Variants in TULP4 observed in about 807,000 individuals in gnomAD.
The protein encoded by TULP4 is TUB like protein 4.
TULP4 carries 16 observed loss-of-function variants against 129.0 expected under a neutral mutation model. The ratio of observed to expected loss-of-function variants is 0.12; its 90% confidence interval spans 0.08 to 0.19. TULP4 has a LOEUF of 0.19. Among genes scored for constraint, TULP4 ranks in the 10% least tolerant of loss-of-function variants. TULP4 has a pLI of 1.00. For synonymous variants in TULP4, 998 were observed against 854.0 expected (o/e 1.17, Z -2.94); for missense variants, 1,842 against 2,059.1 (o/e 0.89, Z 2.04).
intron 1 of TULP4, among the ~76,000 whole-genome samples, chr6:158,295,932 C>G (rs1779021893): frequency 6.6e-6 from 1 of 152,202 alleles, no homozygotes; most frequent in Non-Finnish European, 1.5e-5. Context: ...AGCAACACAC[C>G]TTTGTGTGCC....
At chr6:158,383,469 G>A (rs1170534464) in intron 1 of TULP4, among the ~76,000 whole-genome samples, 2 of 152,194 alleles carry the variant, frequency 1.3e-5, no homozygotes, top group Non-Finnish European at 2.9e-5. Flanking sequence ...ATCAAGGTAT[G>A]GATTTACATC....
At chr6:158,265,415 C>T (rs1009551927) in intron 1 of TULP4, among the ~76,000 whole-genome samples, 4 of 152,064 alleles carry the variant, frequency 2.6e-5, no homozygotes, top group Non-Finnish European at 4.4e-5. Context: ...GGTGGGGTGG[C>T]GCACCCCTGT....
chr6:158,427,421 T>A (rs1469609655), intron 2 of TULP4, among the ~76,000 whole-genome samples: 1 of 150,420 alleles, frequency 6.6e-6, no homozygotes, highest in Non-Finnish European at 1.5e-5. Flanking sequence ...TTGCCAGCAG[T>A]TTTGAAAACT....
At chr6:158,340,270 G>C (rs2114749542) in intron 1 of TULP4, among the ~76,000 whole-genome samples, 1 of 152,286 alleles carries the variant, frequency 6.6e-6, no homozygotes, top group South Asian at 2.1e-4. Flanking sequence ...ACCTGAAATA[G>C]TAGTATAGAC....
chr6:158,468,909 G>A (rs77196660), intron 6 of TULP4, among the ~76,000 whole-genome samples: 2,876 of 152,250 alleles, frequency 0.019, 42 homozygotes, highest in Non-Finnish European at 0.03. Flanking sequence ...CATCGTGAGG[G>A]TGGAGGCCTT....
rs1778147668 is a variant in TULP4 at position 158,413,797 on chromosome 6, T to C, written c.381+604T>C. On this transcript the variant is annotated intron_variant, in intron 2 of 13. Transcript: ENST00000367097. This position sits in a 1 kb window ranked among gnomAD's most constrained non-coding sequence, Gnocchi z 4.9. Reference sequence around the variant, plus strand: ...TGTTCTGGTTTACAGGACGGCTTCATGGTGCACCTTTTGTATGGGTTTAAG... The same window carrying C: ...TGTTCTGGTTTACAGGACGGCTTCACGGTGCACCTTTTGTATGGGTTTAAG... 2.6e-5 allele frequency among the ~76,000 whole-genome samples: 4 copies of C among 152,244 alleles called. No individual in the cohort carries two copies. The South Asian group carries it at 8.3e-4, about 32-fold the overall frequency.
At chr6:158,459,638 T>C (rs947783783) in intron 5 of TULP4, among the ~76,000 whole-genome samples, 31 of 152,018 alleles carry the variant, frequency 2.0e-4, no homozygotes, top group African/African-American at 7.5e-4. Flanking sequence ...TGCAATACAA[T>C]TCAAAAAAAT....
intron 1 of TULP4, among the ~76,000 whole-genome samples, chr6:158,362,554 T>C (rs1293365655): frequency 6.6e-6 from 1 of 152,186 alleles, no homozygotes; most frequent in East Asian, 1.9e-4. Context: ...CTTGCTGTAT[T>C]GTCCAGGCTG....
chr6:158,466,321 T>C (rs1219305514), intron 6 of TULP4, among the ~76,000 whole-genome samples: 5 of 152,248 alleles, frequency 3.3e-5, no homozygotes, highest in Non-Finnish European at 4.4e-5. Context: ...ACATTTTCAC[T>C]AACATTACAC....
chr6:158,331,596 G>A (rs1190251778), intron 1 of TULP4, among the ~76,000 whole-genome samples: 1 of 150,064 alleles, frequency 6.7e-6, no homozygotes. Context: ...GAGGAATGCT[G>A]TTTCAATGGG....
intron 3 of TULP4, among the ~76,000 whole-genome samples, chr6:158,447,175 A>AT (rs779709819): frequency 6.6e-6 from 1 of 152,212 alleles, no homozygotes; most frequent in Non-Finnish European, 1.5e-5. Flanking sequence ...CACCAAGTAC[A>AT]TTAAACATCT....
At chr6:158,365,998 G>A (rs1780948487) in intron 1 of TULP4, among the ~76,000 whole-genome samples, 1 of 137,706 alleles carries the variant, frequency 7.3e-6, no homozygotes, top group Non-Finnish European at 1.5e-5. Flanking sequence ...CACCTCCCAG[G>A]TTCATGCCAT....
chr6:158,375,683 G>T (rs1230280520), intron 1 of TULP4, among the ~76,000 whole-genome samples: 1 of 152,216 alleles, frequency 6.6e-6, no homozygotes, highest in African/African-American at 2.4e-5. Flanking sequence ...AAGAAACACT[G>T]TAGGGTAAAA....
chr6:158,379,824 C>T (rs901189789), intron 1 of TULP4, among the ~76,000 whole-genome samples: 5 of 152,122 alleles, frequency 3.3e-5, no homozygotes, highest in African/African-American at 1.2e-4. Context: ...AGTTTGAGAT[C>T]CCTGTTTGAC....
chr6:158,408,410 A>G (rs929452075), intron 1 of TULP4, among the ~76,000 whole-genome samples: 3 of 152,204 alleles, frequency 2.0e-5, no homozygotes, highest in Non-Finnish European at 4.4e-5. Context: ...AGGAAACTGT[A>G]TATGTAAATA....
intron 3 of TULP4, among the ~76,000 whole-genome samples, chr6:158,447,393 T>C (rs1779075350): frequency 6.6e-6 from 1 of 152,236 alleles, no homozygotes; most frequent in Admixed American, 6.5e-5. Flanking sequence ...AATTAATTGC[T>C]GCGTCTGGAG....
intron 1 of TULP4, among the ~76,000 whole-genome samples, chr6:158,380,552 T>C (rs571422010): frequency 1.3e-5 from 2 of 151,162 alleles, no homozygotes; most frequent in African/African-American, 4.9e-5. Flanking sequence ...CTTACACAGA[T>C]GACTTTCTAT....
intron 1 of TULP4, among the ~76,000 whole-genome samples, chr6:158,368,398 G>A (rs964965439): frequency 6.6e-6 from 1 of 152,134 alleles, no homozygotes; most frequent in Non-Finnish European, 1.5e-5. Context: ...CACCTCCAAG[G>A]TTCCAGCGAT....
intron 1 of TULP4, among the ~76,000 whole-genome samples, chr6:158,260,311 C>T (rs1314661955): frequency 6.6e-6 from 1 of 152,236 alleles, no homozygotes; most frequent in Non-Finnish European, 1.5e-5. Context: ...CTTTCTACCA[C>T]ATCCATGATT....
Sources: allele counts gnomAD v4.1 joint callset (sites outside exome capture counted in the v4.1 genomes callset), GRCh38; gene constraint gnomAD v4.1.1; non-coding constraint Gnocchi (gnomAD v3.1); transcripts MANE v1.5; gene names NCBI Gene and HGNC (gene_info 2026-07-23, HGNC 2026-07-21).